Variants in SLC4A3 observed in about 807,000 individuals in gnomAD.
The protein encoded by SLC4A3 is anion exchange protein 3.
Under a neutral mutation model 114.2 loss-of-function variants are expected in SLC4A3, and 47 were observed. The ratio of observed to expected loss-of-function variants is 0.41; its 90% CI spans 0.33 to 0.52. SLC4A3 has a LOEUF of 0.52. Among genes scored for constraint, SLC4A3 ranks in the 20% least tolerant of loss-of-function variants. The pLI, the probability that SLC4A3 is intolerant of heterozygous loss-of-function variation, is 0.21. For synonymous variants in SLC4A3, 693 were observed against 710.3 expected, an observed-to-expected ratio of 0.98 and a Z score of 0.39; for missense variants, 1,312 against 1,668.3, an observed-to-expected ratio of 0.79 and a Z score of 3.72.
At chr2:219,634,725 C>A (rs912298276) in intron 12 of SLC4A3, 121 bp downstream of exon 12, 1 of 1,063,774 alleles carries the variant, frequency 9.4e-7, no homozygotes, top group Non-Finnish European at 1.3e-6. Flanking sequence ...GGAGGCCATG[C>A]CCTGGAGGGT....
Position 219,628,064 on chromosome 2 carries a change from CG to C in SLC4A3, c.51+26del. The C allele has an allele frequency of 2.0e-6, 3 of 1,526,492 alleles. No homozygotes were observed. Among genetic ancestry groups the C allele is most frequent in the Non-Finnish European group, 2.6e-6 (3 of 1,134,676 alleles). 94.6% of individuals were successfully genotyped at this position (1,526,492 alleles called of 1,614,324 possible). A position where few individuals can be genotyped will look rare whatever the true frequency, so the allele number is the denominator to read the frequency against. ...CCCAGGTGATCGGCGCGCGCGGGGG[CG>C]GGGGAGAGATGGGGGAGGAGAGGGG... On this transcript the variant is annotated intron_variant, in intron 2 of 22. Coordinates refer to ENST00000358055, the MANE Select transcript of SLC4A3 (RefSeq NM_005070.4). The surrounding 1 kb of genome is among the most constrained non-coding windows in gnomAD (Gnocchi z 4.8).
Position 219,641,510 on chromosome 2 carries a change from G to A in SLC4A3, c.3622-141G>A. 1.5e-6 allele frequency: 1 copy of A among 685,368 alleles called. No homozygotes were observed. The highest frequency in any genetic ancestry group is 2.6e-6 in the Non-Finnish European group (1 of 383,608). The allele number at this position is 685,368 out of a possible 1,614,324, so 42.5% of individuals were successfully genotyped here. A position where few individuals can be genotyped will look rare whatever the true frequency, so the allele number is the denominator to read the frequency against. On this transcript the variant is annotated intron_variant, in intron 22 of 22. Transcript: ENST00000358055. This position sits in a 1 kb window ranked among gnomAD's most constrained non-coding sequence, Gnocchi z 4.0. ...GAAGGCTTTGGCCAAGGGCAGTGCT[G>A]CCACCCAGGGTCATGGTACTTGCAG...
At position 219,636,523 on chromosome 2, in the gene SLC4A3, C is replaced by A; in HGVS notation, c.2340+73C>A. 1 of 1,517,372 alleles carries A rather than the reference C, an allele frequency of 6.6e-7. No homozygotes were observed. Among genetic ancestry groups the A allele is most frequent in the Non-Finnish European group, 8.9e-7 (1 of 1,129,810 alleles). The allele number at this position is 1,517,372 out of a possible 1,614,324, so 94.0% of individuals were successfully genotyped here. ...CCTTACCTACATCCTGCCCCACACT[C>A]TTCCTTACCTACATCCTGCCCCACA... On this transcript the variant is annotated intron_variant, in intron 15 of 22. Transcript: ENST00000358055. This position sits in a 1 kb window ranked among gnomAD's most constrained non-coding sequence, Gnocchi z 5.5.
In SLC4A3 at chr2:219,633,992, G is replaced by A. The variant is rs193102144; in HGVS notation, c.1561+13G>A. The A allele has an allele frequency of 4.7e-5, 73 of 1,540,498 alleles. No individual in the cohort carries two copies. The East Asian group carries it at 7.8e-4, about 16-fold the overall frequency. ...GTTGTGCTTGTGGGTGAGGAGGGCC[G>A]GGCGCCGGGGGCAGGGTCTGCAGTG... On this transcript the variant is annotated intron_variant, in intron 11 of 22. Coordinates refer to ENST00000358055, the MANE Select transcript of SLC4A3 (RefSeq NM_005070.4).
Position 219,633,296 on chromosome 2 carries a change from A to G in SLC4A3, c.1300A>G (p.Ser434Gly). The G allele has an allele frequency of 6.3e-7, 1 of 1,577,480 alleles. No individual in the cohort carries two copies. Residue 434 changes from serine to glycine, a missense_variant, in exon 10 of 23, where the codon AGT becomes GGT. By Grantham distance (56) the Ser-to-Gly change is moderately conservative. Coordinates refer to ENST00000358055, the MANE Select transcript of SLC4A3 (RefSeq NM_005070.4). ...CAGCCATCCCAACGATGACAAGGAC[A>G]GTGGCTTCTTTCCCCGAAACCCATC... ...KHSHPNDDKDSGFFPRNPSSS... is the reference protein window; with the variant it reads ...KHSHPNDDKDGGFFPRNPSSS...
rs1387446981 is a variant in SLC4A3, at chr2:219,639,560, G to A, written c.3102G>A (p.Leu1034=). 2.5e-6 allele frequency: 4 copies of A among 1,613,894 alleles called. No homozygotes were observed. The highest frequency in any genetic ancestry group is 3.3e-5 in the Admixed American group (2 of 60,022). The stretch of plus-strand genomic sequence containing the variant: ...TGGACCTGCTCCTCATTGGCTCCCT[G>A]GGGGGGCTCTGTGGGCTGTTTGGGT... ...FHLDLLLIGS[L]GGLCGLFGLP... Residue 1034 remains leucine, a synonymous_variant, in exon 20 of 23, where the codon CTG becomes CTA. Coordinates refer to ENST00000358055, the MANE Select transcript of SLC4A3 (RefSeq NM_005070.4). The surrounding 1 kb of genome is among the most constrained non-coding windows in gnomAD (Gnocchi z 5.9).
Position 219,629,712 on chromosome 2 carries a change from C to G in SLC4A3, c.611+17C>G. 6.4e-7 allele frequency: 1 copy of G among 1,569,526 alleles called. No individual in the cohort carries two copies. On this transcript the variant is annotated intron_variant, in intron 5 of 22. Transcript: ENST00000358055. ...CTCCAGCAGGTACTGGCTGCAGCCT[C>G]TACTCAGCAGGGCCCAGCCCAGAGC... is the stretch of plus-strand genomic sequence containing the variant.
chr2:219,635,594 T>C, intron 13 of SLC4A3, 79 bp from the exon 14 acceptor site: 5 of 1,477,392 alleles, frequency 3.4e-6, no homozygotes, highest in Non-Finnish European at 4.6e-6. Flanking sequence ...TGGAGTCCTT[T>C]GCATCCCTGA....
In SLC4A3 at chr2:219,629,615, C is replaced by T; in HGVS notation, c.531C>T (p.Gly177=). 1 of 1,613,174 alleles carries T rather than the reference C, an allele frequency of 6.2e-7. No individual in the cohort carries two copies. Among genetic ancestry groups the T allele is most frequent in the Non-Finnish European group, 8.5e-7 (1 of 1,179,696 alleles). Residue 177 remains glycine, a synonymous_variant, in exon 5 of 23, where the codon GGC becomes GGT. Coordinates refer to ENST00000358055, the MANE Select transcript of SLC4A3 (RefSeq NM_005070.4). ...GAAGTGACGAGGATGACAGTCCAGG[C>T]CTCCCTGGGAGGGCTGCTGTCACCA... ...SIGSDEDDSP[G]LPGRAAVTKP...
Position 219,632,328 on chromosome 2 carries a change from C to T in SLC4A3, c.1027C>T (p.Arg343Cys), listed in dbSNP as rs1574648631. Residue 343 changes from arginine to cysteine, a missense_variant, in exon 8 of 23, where the codon CGC becomes TGC. Coordinates refer to ENST00000358055, the MANE Select transcript of SLC4A3 (RefSeq NM_005070.4). ...SQEPHWRETARWIKFEEDVEE... is the reference protein window; with the variant it reads ...SQEPHWRETACWIKFEEDVEE... ...GGAGCCCCACTGGCGGGAGACGGCC[C>T]GCTGGATCAAGTTTGAGGAGGACGT... 8 of 1,614,100 alleles carry T rather than the reference C, an allele frequency of 5.0e-6. No individual in the cohort carries two copies. Among genetic ancestry groups the T allele is most frequent in the Middle Eastern group, 1.7e-4 (1 of 6,012 alleles).
Position 219,636,549 on chromosome 2 carries a change from C to G in SLC4A3, c.2340+99C>G. 6.7e-7 allele frequency: 1 copy of G among 1,482,518 alleles called. No individual in the cohort carries two copies. The highest frequency in any genetic ancestry group is 9.0e-7 in the Non-Finnish European group (1 of 1,106,190). The allele number at this position is 1,482,518 out of a possible 1,614,324, so 91.8% of individuals were successfully genotyped here. On this transcript the variant is annotated intron_variant, in intron 15 of 22. Transcript: ENST00000358055. This position sits in a 1 kb window ranked among gnomAD's most constrained non-coding sequence, Gnocchi z 5.5. Reference sequence around the variant, plus strand: ...TTCCTTACCTACATCCTGCCCCACACTCTTCCTTACCTAGGGGATGGGTCC... The same window carrying G: ...TTCCTTACCTACATCCTGCCCCACAGTCTTCCTTACCTAGGGGATGGGTCC...
intron 1 of SLC4A3, 38 bp downstream of exon 1, chr2:219,627,783 C>G (rs1698765870): frequency 2.5e-6 from 1 of 394,044 alleles, no homozygotes; most frequent in Non-Finnish European, 4.5e-6. Context: ...GGGCGGGGGA[C>G]CCGGGCTGTC....
At position 219,639,778 on chromosome 2, in the gene SLC4A3, C is replaced by A. The variant is rs781455339; in HGVS notation, c.3277+43C>A. ...CCCTGCACACCCCCTTCCTTGGGCC[C>A]CACGGTCTTACATCTTCACTATCCC... On this transcript the variant is annotated intron_variant, in intron 20 of 22. Coordinates refer to ENST00000358055, the MANE Select transcript of SLC4A3 (RefSeq NM_005070.4). The surrounding 1 kb of genome is among the most constrained non-coding windows in gnomAD (Gnocchi z 5.9). 1.9e-6 allele frequency: 3 copies of A among 1,589,930 alleles called. No individual in the cohort carries two copies. Among genetic ancestry groups the A allele is most frequent in the African/African-American group, 1.3e-5 (1 of 74,686 alleles).
In SLC4A3 at chr2:219,637,205, T is replaced by TGG. The variant is rs557904889; in HGVS notation, c.2535+332_2535+333insGG. ...CCTTTTGTAGAGGAGTGTGTGTGTG[T>TGG]GTGTGGGTGTGGGTGTGGTGTGAGT... On this transcript the variant is annotated intron_variant, in intron 16 of 22. Transcript: ENST00000358055. This position sits in a 1 kb window ranked among gnomAD's most constrained non-coding sequence, Gnocchi z 4.6. 1.1e-3 allele frequency among the ~76,000 whole-genome samples: 147 copies of TGG among 128,706 alleles called. 1 individual carries two copies. Among genetic ancestry groups the TGG allele is most frequent in the African/African-American group, 3.9e-3 (145 of 36,844 alleles). The allele number at this position is 128,706 out of a possible 152,430, so 84.4% of individuals were successfully genotyped here. A position where few individuals can be genotyped will look rare whatever the true frequency, so the allele number is the denominator to read the frequency against.
At position 219,634,593 on chromosome 2, in the gene SLC4A3, A is replaced by G; in HGVS notation, c.1735A>G (p.Met579Val). The stretch of plus-strand genomic sequence containing the variant: ...GCTTGGGCGCTCCATTGCCACCCTT[A>G]TGTCTGACAAGGTTGGGCGCGTGCT... Reference protein sequence around the residue: ...HELGRSIATLMSDKLFHEAAY... With the variant: ...HELGRSIATLVSDKLFHEAAY... The change falls in exon 12 of 23, where the codon ATG (methionine) becomes GTG (valine). Residue 579 changes from methionine (M) to valine (V), a missense_variant. Physicochemically the swap from Met to Val is conservative, Grantham distance 21 (BLOSUM62 1). This residue lies in a region of SLC4A3 where 771 missense variants were observed against 977.7 expected (regional missense o/e 0.79). Coordinates refer to ENST00000358055, the MANE Select transcript of SLC4A3 (RefSeq NM_005070.4). 1 of 1,614,038 alleles carries G rather than the reference A, an allele frequency of 6.2e-7. No homozygotes were observed. The highest frequency in any genetic ancestry group is 8.5e-7 in the Non-Finnish European group (1 of 1,179,966).
chr2:219,641,746 C>T lies in SLC4A3; in HGVS notation c.*18C>T, dbSNP rs750861988. 6.2e-7 allele frequency: 1 copy of T among 1,601,482 alleles called. No individual in the cohort carries two copies. Among genetic ancestry groups the T allele is most frequent in the Non-Finnish European group, 8.6e-7 (1 of 1,168,600 alleles). On this transcript the variant is annotated 3_prime_UTR_variant, in exon 23 of 23. Coordinates refer to ENST00000358055, the MANE Select transcript of SLC4A3 (RefSeq NM_005070.4). This position sits in a 1 kb window ranked among gnomAD's most constrained non-coding sequence, Gnocchi z 4.0. ...CAGTGTGACCCTTGAAGACAGTGCC[C>T]CTCAGAGACCCCAAGACCTTAGGGA...
chr2:219,639,775 G>A lies in SLC4A3; in HGVS notation c.3277+40G>A. 2 of 1,591,214 alleles carry A rather than the reference G, an allele frequency of 1.3e-6. No individual in the cohort carries two copies. The highest frequency in any genetic ancestry group is 1.7e-6 in the Non-Finnish European group (2 of 1,174,014). ...CCACCCTGCACACCCCCTTCCTTGGGCCCCACGGTCTTACATCTTCACTAT... is the reference window on the plus strand; with the variant it reads ...CCACCCTGCACACCCCCTTCCTTGGACCCCACGGTCTTACATCTTCACTAT... On this transcript the variant is annotated intron_variant, in intron 20 of 22. Transcript: ENST00000358055. The surrounding 1 kb of genome is among the most constrained non-coding windows in gnomAD (Gnocchi z 5.9).
intron 4 of SLC4A3, 54 bp from the exon 5 acceptor site, chr2:219,629,526 G>C: frequency 6.3e-7 from 1 of 1,584,708 alleles, no homozygotes; most frequent in South Asian, 1.1e-5. Flanking sequence ...GGGTAGGGTT[G>C]GGGGCTGTAT....
chr2:219,631,216 C>T lies in SLC4A3; in HGVS notation c.812-752C>T. ...CGAGGGGTCTGGTAGGGAGCGGAGG[C>T]CGAGGTCTCGGCCACCGGGAGAATG... On this transcript the variant is annotated intron_variant, in intron 6 of 22. Coordinates refer to ENST00000358055, the MANE Select transcript of SLC4A3 (RefSeq NM_005070.4). This position sits in a 1 kb window ranked among gnomAD's most constrained non-coding sequence, Gnocchi z 6.3. The T allele has an allele frequency of 1.6e-6, 2 of 1,233,212 alleles. No homozygotes were observed. The highest frequency in any genetic ancestry group is 1.1e-6 in the Non-Finnish European group (1 of 950,592). 76.4% of individuals were successfully genotyped at this position (1,233,212 alleles called of 1,614,324 possible).
Sources: allele counts gnomAD v4.1 joint callset (sites outside exome capture counted in the v4.1 genomes callset), GRCh38; gene constraint gnomAD v4.1.1; regional missense constraint gnomAD v4.1.1; non-coding constraint Gnocchi (gnomAD v3.1); transcripts MANE v1.5; gene names NCBI Gene and HGNC (gene_info 2026-07-23, HGNC 2026-07-21).